MYO1F: variants seen among roughly 807,000 people sequenced by gnomAD.
The protein encoded by MYO1F is myosin IF, also known as unconventional myosin-If.
In MYO1F, 60 loss-of-function variants were observed where a neutral mutation model predicts 146.6. The observed-to-expected ratio is 0.41, with a 90% CI of 0.33 to 0.51. The LOEUF (loss-of-function observed/expected upper bound fraction) is 0.51. MYO1F is among the 20% of genes least tolerant of loss of function. The pLI is 0.25. For synonymous variants in MYO1F, 602 were observed against 602.1 expected, an observed-to-expected ratio of 1.00 and a Z score of 0.00; for missense variants, 1,274 against 1,534.3, an observed-to-expected ratio of 0.83 and a Z score of 2.83.
intron 1 of MYO1F, among the ~76,000 whole-genome samples, chr19:8,561,478 TTC>T (rs1491533353): frequency 2.1e-5 from 3 of 143,692 alleles, no homozygotes; most frequent in South Asian, 4.6e-4. Flanking sequence ...CTCTTTCTTT[TTC>T]TCTTTCTTTC....
rs1972442645 is a variant in MYO1F, at chr19:8,530,537, C to T, written c.2080G>A (p.Asp694Asn). 3 of 1,613,250 alleles carry T rather than the reference C, an allele frequency of 1.9e-6. No homozygotes were observed. The highest frequency in any genetic ancestry group is 2.5e-6 in the Non-Finnish European group (3 of 1,180,032). Residue 694 changes from aspartate to asparagine, a missense_variant, in exon 20 of 28, where the codon GAT (aspartate) becomes AAT (asparagine). Around this residue, in one of 2 missense-constraint regions of MYO1F, gnomAD observed 900 missense variants for 1,155.1 expected, o/e 0.78. Transcript: ENST00000644032. This position sits in a 1 kb window ranked among gnomAD's most constrained non-coding sequence, Gnocchi z 5.8. ...LLEEVRERKF[D>N]GFARTIQKAW... ...TTCTGGATGGTTCGGGCAAAGCCAT[C>T]GAACTTTCGCTCTCGCACCTCCTCC...
intron 1 of MYO1F, among the ~76,000 whole-genome samples, chr19:8,570,623 T>G (rs868931878): frequency 3.4e-4 from 51 of 151,858 alleles, no homozygotes; most frequent in Middle Eastern, 3.4e-3. Flanking sequence ...CGCCTTGACC[T>G]CCCAAAGTGC....
chr19:8,551,603 C>T lies in MYO1F; in HGVS notation c.771+137G>A, dbSNP rs1043176384. On this transcript the variant is annotated intron_variant, in intron 8 of 27. Transcript: ENST00000644032. ...CTGACCTTAAGTGATCTACCTGCCTCGGCCTCCCAAAGTGCTGGGATTACA... is the reference window on the plus strand; with the variant it reads ...CTGACCTTAAGTGATCTACCTGCCTTGGCCTCCCAAAGTGCTGGGATTACA... The T allele has an allele frequency of 5.2e-5, 67 of 1,288,790 alleles. 1 individual carries two copies. Among genetic ancestry groups the T allele is most frequent in the Middle Eastern group, 2.5e-4 (1 of 3,952 alleles). The allele number at this position is 1,288,790 out of a possible 1,614,324, so 79.8% of individuals were successfully genotyped here. A position where few individuals can be genotyped will look rare whatever the true frequency, so the allele number is the denominator to read the frequency against.
rs761037694 is a variant in MYO1F, at chr19:8,552,018, G to A, written c.636+15C>T. On this transcript the variant is annotated intron_variant, in intron 7 of 27. Coordinates refer to ENST00000644032, the MANE Select transcript of MYO1F (RefSeq NM_012335.4). ...TCCAGGTGGTGCTCCCTCTCCCCCG[G>A]CCCCTTCCCTGCACCTGGTAGTAGA... 14 of 1,613,646 alleles carry A rather than the reference G, an allele frequency of 8.7e-6. No individual in the cohort carries two copies. The South Asian group carries it at 1.4e-4, about 16-fold the overall frequency.
Position 8,553,424 on chromosome 19 carries a change from C to A in MYO1F, c.340G>T (p.Ala114Ser), listed in dbSNP as rs758850061. The change falls in exon 5 of 28, where the codon GCT becomes TCT. Residue 114 changes from alanine (A) to serine (S), a missense_variant. Coordinates refer to ENST00000644032, the MANE Select transcript of MYO1F (RefSeq NM_012335.4). ...TATTTGGCTGCCACTGTCTTCCCAG[C>A]TCCACTCTCTCCACTGGGGATGAAT... ...QCVIISGESG[A>S]GKTVAAKYIM... is the part of the protein sequence containing the mutation. 4.3e-6 allele frequency: 7 copies of A among 1,613,840 alleles called. No individual in the cohort carries two copies. The highest frequency in any genetic ancestry group is 1.7e-5 in the Admixed American group (1 of 59,988).
At chr19:8,528,823 TGA>T (rs1395989221) in intron 21 of MYO1F, among the ~76,000 whole-genome samples, 1 of 151,964 alleles carries the variant, frequency 6.6e-6, no homozygotes, top group Non-Finnish European at 1.5e-5. Flanking sequence ...ATCTGGATCA[TGA>T]GAGGAAGTGA....
chr19:8,572,818 C>T (rs531908955), intron 1 of MYO1F, among the ~76,000 whole-genome samples: 2 of 152,334 alleles, frequency 1.3e-5, no homozygotes, highest in East Asian at 3.9e-4. Flanking sequence ...ACCTCAGCTT[C>T]CCAATTAGCT....
chr19:8,553,916 T>TCTCTCTCTCTCTCTCTCG (rs1555726922), intron 4 of MYO1F, among the ~76,000 whole-genome samples: 2 of 141,442 alleles, frequency 1.4e-5, no homozygotes, highest in African/African-American at 5.0e-5. Context: ...TCTCTCTCTC[T>TCTCTCTCTCTCTCTCTCG]CTCTCTCGCT....
At chr19:8,525,650 G>A (rs904572028) in intron 24 of MYO1F, 88 bp from the exon 25 acceptor site, 10 of 1,106,692 alleles carry the variant, frequency 9.0e-6, no homozygotes, top group East Asian at 2.5e-5. Context: ...AGGCTCCGCC[G>A]CACCCCGCCC....
chr19:8,538,132 A>G (rs1429359609), intron 16 of MYO1F, among the ~76,000 whole-genome samples: 1 of 144,884 alleles, frequency 6.9e-6, no homozygotes, highest in Non-Finnish European at 1.5e-5. Context: ...CTTTTTTTTT[A>G]TATATATATT....
At position 8,530,285 on chromosome 19, in the gene MYO1F, C is replaced by T; in HGVS notation, c.2239G>A (p.Glu747Lys). The T allele has an allele frequency of 6.2e-7, 1 of 1,614,170 alleles. No individual in the cohort carries two copies. The highest frequency in any genetic ancestry group is 1.3e-5 in the African/African-American group (1 of 75,038). Residue 747 changes from glutamate (E) to lysine (K), a missense_variant, in exon 21 of 28, where the codon GAG becomes AAG. Around this residue, in one of 2 missense-constraint regions of MYO1F, gnomAD observed 900 missense variants for 1,155.1 expected, o/e 0.78. Transcript: ENST00000644032. The surrounding 1 kb of genome is among the most constrained non-coding windows in gnomAD (Gnocchi z 5.8). Reference sequence around the variant, plus strand: ...AACTGACGCAGCTCGGGCCGCTCCTCCAGCCCCAGGTAGTCCCCGACGAAG... The same window carrying T: ...AACTGACGCAGCTCGGGCCGCTCCTTCAGCCCCAGGTAGTCCCCGACGAAG... Reference protein sequence around the residue: ...RNFVGDYLGLEERPELRQFLG... With the variant: ...RNFVGDYLGLKERPELRQFLG...
In MYO1F at chr19:8,544,331, C is replaced by T. The variant is rs1973240596; in HGVS notation, c.1490G>A (p.Ser497Asn). ...VGTHEHFNSW[S>N]AGFVIHHYAG... ...GTAGTGGTGGATGACGAAGCCGGCG[C>T]TCCAGCTGTTGAAATGCTCGTGGGT... is the stretch of plus-strand genomic sequence containing the variant. The change falls in exon 14 of 28, where the codon AGC (serine) becomes AAC (asparagine). Residue 497 changes from serine (S) to asparagine (N), a missense_variant. Coordinates refer to ENST00000644032, the MANE Select transcript of MYO1F (RefSeq NM_012335.4). 4.3e-6 allele frequency: 7 copies of T among 1,613,108 alleles called. No individual in the cohort carries two copies. Among genetic ancestry groups the T allele is most frequent in the South Asian group, 1.1e-5 (1 of 91,080 alleles).
chr19:8,554,574 G>A lies in MYO1F; in HGVS notation c.232-3C>T, dbSNP rs1016436950. The A allele has an allele frequency of 1.9e-6, 3 of 1,612,764 alleles. No homozygotes were observed. The highest frequency in any genetic ancestry group is 2.5e-6 in the Non-Finnish European group (3 of 1,178,794). On this transcript the variant is annotated splice_region_variant and splice_polypyrimidine_tract_variant and intron_variant, in intron 3 of 27. Coordinates refer to ENST00000644032, the MANE Select transcript of MYO1F (RefSeq NM_012335.4). ...TGCGGGGGATTCTCATACTGGGCCT[G>A]GCAGGGGAGGTCAGGTCTCAGCCCA...
At chr19:8,526,991 GA>G in intron 22 of MYO1F, 56 bp from the exon 23 acceptor site, 1 of 1,603,008 alleles carries the variant, frequency 6.2e-7, no homozygotes, top group Non-Finnish European at 8.5e-7. Flanking sequence ...CGACAGGTGA[GA>G]GAGACAGATG....
intron 10 of MYO1F, among the ~76,000 whole-genome samples, chr19:8,548,741 C>A (rs560750674): frequency 6.6e-6 from 1 of 151,618 alleles, no homozygotes; most frequent in African/African-American, 2.4e-5. Context: ...GCTGGAACTA[C>A]AAGGGCCTGC....
intron 1 of MYO1F, among the ~76,000 whole-genome samples, chr19:8,571,419 C>CT (rs2042105048): frequency 6.9e-6 from 1 of 145,024 alleles, no homozygotes; most frequent in African/African-American, 2.8e-5. Flanking sequence ...CTCTCTCTCT[C>CT]TCTTTTTTTT....
chr19:8,566,553 G>T (rs894916846), intron 1 of MYO1F, among the ~76,000 whole-genome samples: 2 of 149,848 alleles, frequency 1.3e-5, no homozygotes, highest in African/African-American at 4.9e-5. Context: ...TTGCTCTTTC[G>T]CCCTGGCTGG....
At chr19:8,555,872 C>T in intron 1 of MYO1F, 76 bp from the exon 2 acceptor site, 1 of 1,456,312 alleles carries the variant, frequency 6.9e-7, no homozygotes, top group Non-Finnish European at 9.3e-7. Context: ...CTATCAGCTT[C>T]TGGGTTCTGT....
chr19:8,556,432 AGGAGTTCGAGACCAG>A, intron 1 of MYO1F, among the ~76,000 whole-genome samples: 1 of 139,456 alleles, frequency 7.2e-6, no homozygotes, highest in East Asian at 2.4e-4. Flanking sequence ...GCTTGAGGCC[AGGAGTTCGAGACCAG>A]CCTGGGCAAC....
Sources: allele counts gnomAD v4.1 joint callset (sites outside exome capture counted in the v4.1 genomes callset), GRCh38; gene constraint gnomAD v4.1.1; regional missense constraint gnomAD v4.1.1; non-coding constraint Gnocchi (gnomAD v3.1); transcripts MANE v1.5; gene names NCBI Gene and HGNC (gene_info 2026-07-23, HGNC 2026-07-21).